BOD1: variants seen among roughly 807,000 people sequenced by gnomAD.
BOD1 encodes the protein biorientation of chromosomes in cell division 1, also known as biorientation of chromosomes in cell division protein 1.
BOD1 carries 11 observed loss-of-function variants against 15.7 expected under a neutral mutation model. The ratio of observed to expected loss-of-function variants is 0.70; its 90% CI spans 0.44 to 1.16. BOD1 has a LOEUF of 1.16. Ranked by LOEUF, BOD1 falls within the 50% of genes most tolerant of loss-of-function variation. The pLI is 0.00. For missense variants in BOD1, 182 were observed against 244.5 expected (o/e 0.74, Z 1.70); for synonymous variants, 105 against 103.5 (o/e 1.01, Z -0.09).
chr5:173,609,589 C>A, intron 2 of BOD1, 155 bp from the exon 3 acceptor site: 1 of 676,636 alleles, frequency 1.5e-6, no homozygotes, highest in Non-Finnish European at 2.5e-6. Context: ...ATATACAGCT[C>A]ACGCTATTTT....
At chr5:173,608,378 T>G (rs1422402966) in intron 3 of BOD1, 86 bp from the exon 4 acceptor site, 2 of 1,082,976 alleles carry the variant, frequency 1.8e-6, no homozygotes, top group South Asian at 1.3e-5. Flanking sequence ...AATTTACAAT[T>G]AAAAAGAAAG....
chr5:173,612,383 T>C (rs1755377077), intron 2 of BOD1, among the ~76,000 whole-genome samples: 1 of 152,218 alleles, frequency 6.6e-6, no homozygotes, highest in Non-Finnish European at 1.5e-5. Flanking sequence ...ACACTTGCAC[T>C]TATTTGTGTG....
At position 173,616,600 on chromosome 5, in the gene BOD1, G is replaced by T; in HGVS notation, c.-164C>A. On this transcript the variant is annotated 5_prime_UTR_variant, in exon 1 of 4. Transcript: ENST00000311086. ...CAGGGGCGGTGGTGGGGGCGGCGGC[G>T]GCGAAGGCCCCCTCTGATACAGCAG... 1 of 1,348,882 alleles carries T rather than the reference G, an allele frequency of 7.4e-7. No homozygotes were observed. Among genetic ancestry groups the T allele is most frequent in the Non-Finnish European group, 9.4e-7 (1 of 1,059,332 alleles). 83.6% of individuals were successfully genotyped at this position (1,348,882 alleles called of 1,614,324 possible).
In BOD1 at chr5:173,609,328, G is replaced by C. The variant is rs1755286478; in HGVS notation, c.469C>G (p.Leu157Val). 1 of 1,614,104 alleles carries C rather than the reference G, an allele frequency of 6.2e-7. No homozygotes were observed. Among genetic ancestry groups the C allele is most frequent in the Non-Finnish European group, 8.5e-7 (1 of 1,180,048 alleles). The change falls in exon 3 of 4, where the codon CTG (leucine) becomes GTG (valine). Residue 157 changes from leucine (L) to valine (V), a missense_variant. By Grantham distance (32) the Leu-to-Val change is conservative (BLOSUM62 1). Transcript: ENST00000311086. ...ACAGCTGCTTTTTTCTGGGCCGCCA[G>C]GAACTCATGAATTGCTCGTTCTATT... ...PQIERAIHEFLAAQKKAAVPA... is the reference protein window; with the variant it reads ...PQIERAIHEFVAAQKKAAVPA...
chr5:173,614,347 G>A (rs901937921), intron 1 of BOD1, among the ~76,000 whole-genome samples: 2 of 152,164 alleles, frequency 1.3e-5, no homozygotes, highest in Non-Finnish European at 2.9e-5. Flanking sequence ...AAAGGACAGT[G>A]AACATCACCA....
chr5:173,612,051 C>T (rs967376199), intron 2 of BOD1, among the ~76,000 whole-genome samples: 6 of 152,334 alleles, frequency 3.9e-5, no homozygotes, highest in Non-Finnish European at 7.3e-5. Context: ...GAGCCCGGTG[C>T]CACCAGTCTG....
Position 173,608,021 on chromosome 5 carries a change from G to T in BOD1, c.*273C>A. ...TAAAAGTCTGTTTCAGGACAACCCT[G>T]GGTTGCTGTAGTGTTTCTCTCTCTG... On this transcript the variant is annotated 3_prime_UTR_variant, in exon 4 of 4. Coordinates refer to ENST00000311086, the MANE Select transcript of BOD1 (RefSeq NM_138369.3). 1 of 492,600 alleles carries T rather than the reference G, an allele frequency of 2.0e-6. No homozygotes were observed. The allele number at this position is 492,600 out of a possible 1,614,324, so 30.5% of individuals were successfully genotyped here.
At chr5:173,612,613 A>T (rs1320738520) in intron 2 of BOD1, among the ~76,000 whole-genome samples, 2 of 152,234 alleles carry the variant, frequency 1.3e-5, no homozygotes, top group African/African-American at 2.4e-5. Flanking sequence ...ATAAGCTATC[A>T]ATAGCACCTT....
intron 3 of BOD1, 148 bp downstream of exon 3, chr5:173,609,090 T>C: frequency 1.1e-6 from 1 of 877,940 alleles, no homozygotes; most frequent in Non-Finnish European, 1.7e-6. Context: ...TAGTTCTCAG[T>C]AAAAAGTGAC....
At chr5:173,614,327 G>A (rs111795163) in intron 1 of BOD1, among the ~76,000 whole-genome samples, 4 of 152,212 alleles carry the variant, frequency 2.6e-5, no homozygotes, top group African/African-American at 9.6e-5. Context: ...ACTGTTTACC[G>A]AAAAAGGACA....
Position 173,616,376 on chromosome 5 carries a change from C to G in BOD1, c.61G>C (p.Ala21Pro), listed in dbSNP as rs1171282382. 76 of 1,526,668 alleles carry G rather than the reference C, an allele frequency of 5.0e-5. No individual in the cohort carries two copies. Among genetic ancestry groups the G allele is most frequent in the Non-Finnish European group, 6.3e-5 (72 of 1,144,488 alleles). 94.6% of individuals were successfully genotyped at this position (1,526,668 alleles called of 1,614,324 possible). A position where few individuals can be genotyped will look rare whatever the true frequency, so the allele number is the denominator to read the frequency against. ...GAVGGGGTSQ[A>P]SAGAATGATG... ...GCGCCAGTCGCTGCCCCGGCAGAGG[C>G]CTGGCTAGTTCCGCCGCCGCCCACC... is the stretch of plus-strand genomic sequence containing the variant. The change falls in exon 1 of 4, where the codon GCC (alanine) becomes CCC (proline). Residue 21 changes from alanine (A) to proline (P), a missense_variant. Ala to Pro is a conservative substitution (Grantham distance 27). Coordinates refer to ENST00000311086, the MANE Select transcript of BOD1 (RefSeq NM_138369.3).
chr5:173,610,806 G>A (rs375791291), intron 2 of BOD1, among the ~76,000 whole-genome samples: 6 of 152,296 alleles, frequency 3.9e-5, no homozygotes, highest in African/African-American at 1.2e-4. Context: ...GCCTTTGGAG[G>A]TAGGGCCTTT....
chr5:173,612,453 G>C (rs1029138474), intron 2 of BOD1, among the ~76,000 whole-genome samples: 3 of 152,214 alleles, frequency 2.0e-5, no homozygotes, highest in African/African-American at 7.2e-5. Context: ...ACAATTCAGT[G>C]ACACTTAACT....
chr5:173,616,575 CAGGGGCGGTGGT>C lies in BOD1; in HGVS notation c.-151_-140del. On this transcript the variant is annotated 5_prime_UTR_variant, in exon 1 of 4. Transcript: ENST00000311086. The stretch of plus-strand genomic sequence containing the variant: ...GCAGCGGCGGAGGTGGCGATGGCGG[CAGGGGCGGTGGT>C]GGGGGCGGCGGCGGCGAAGGCCCCC... 7.3e-7 allele frequency: 1 copy of C among 1,373,412 alleles called. No individual in the cohort carries two copies. 85.1% of individuals were successfully genotyped at this position (1,373,412 alleles called of 1,614,324 possible).
intron 2 of BOD1, among the ~76,000 whole-genome samples, chr5:173,611,051 A>G (rs1755337103): frequency 6.6e-6 from 1 of 152,202 alleles, no homozygotes; most frequent in Non-Finnish European, 1.5e-5. Flanking sequence ...CAAGCCACCT[A>G]GTCTACGGCG....
At chr5:173,614,796 C>G (rs968456276) in intron 1 of BOD1, 2 of 152,384 alleles carry the variant, frequency 1.3e-5, no homozygotes, top group Non-Finnish European at 2.9e-5. Context: ...GTCCCCTCCC[C>G]CCTCAGGGGA....
intron 3 of BOD1, among the ~76,000 whole-genome samples, chr5:173,608,849 A>G (rs953015670): frequency 6.6e-6 from 1 of 152,242 alleles, no homozygotes; most frequent in Non-Finnish European, 1.5e-5. Context: ...CCCATTTAGG[A>G]TATCACTTCA....
At chr5:173,615,836 A>G (rs1755480650) in intron 1 of BOD1, among the ~76,000 whole-genome samples, 1 of 152,196 alleles carries the variant, frequency 6.6e-6, no homozygotes, top group Admixed American at 6.5e-5. Flanking sequence ...CTCAGTGGTG[A>G]GTACGGAACA....
In BOD1 at chr5:173,616,608, C is replaced by T. The variant is rs1755517341; in HGVS notation, c.-172G>A. The T allele has an allele frequency of 4.4e-6, 6 of 1,349,914 alleles. No homozygotes were observed. The East Asian group carries it at 9.4e-5, about 21-fold the overall frequency. 83.6% of individuals were successfully genotyped at this position (1,349,914 alleles called of 1,614,324 possible). On this transcript the variant is annotated 5_prime_UTR_variant, in exon 1 of 4. Coordinates refer to ENST00000311086, the MANE Select transcript of BOD1 (RefSeq NM_138369.3). ...GTGGTGGGGGCGGCGGCGGCGAAGG[C>T]CCCCTCTGATACAGCAGAGGTTGTG...
Sources: allele counts gnomAD v4.1 joint callset (sites outside exome capture counted in the v4.1 genomes callset), GRCh38; gene constraint gnomAD v4.1.1; transcripts MANE v1.5; gene names NCBI Gene and HGNC (gene_info 2026-07-23, HGNC 2026-07-21).